The following AHNAK2 variants were observed in gnomAD, a reference collection of about 807,000 sequenced individuals.
AHNAK2 encodes protein AHNAK2.
A neutral mutation model predicts 30.7 loss-of-function variants in AHNAK2; 18 were observed. The observed-to-expected ratio is 0.59, with a 90% CI of 0.41 to 0.87. The LOEUF (loss-of-function observed/expected upper bound fraction) is 0.87. AHNAK2 is among the 40% of genes least tolerant of loss of function. The probability of loss-of-function intolerance (pLI) is 0.00; values close to 1 mark genes in which losing one functional copy is unlikely to be tolerated. For synonymous variants in AHNAK2, 3,590 were observed against 3,073.8 expected (o/e 1.17, Z -5.56); for missense variants, 8,604 against 7,373.0 (o/e 1.17, Z -6.11).
rs1309430931 is a variant in AHNAK2, at chr14:104,951,006, G to A, written c.4445C>T (p.Ala1482Val). Residue 1482 changes from alanine (A) to valine (V), a missense_variant, in exon 7 of 7, where the codon GCC (alanine) becomes GTC (valine). By Grantham distance (64) the Ala-to-Val change is moderately conservative. Transcript: ENST00000333244. ...GTCTTTGGTAGTCAAGTCCTTGTCGGCCAGGGACATGTCCTCCTCCAGCCG... is the reference window on the plus strand; with the variant it reads ...GTCTTTGGTAGTCAAGTCCTTGTCGACCAGGGACATGTCCTCCTCCAGCCG... Reference protein sequence around the residue: ...GGRLEEDMSLADKDLTTKDSK... With the variant: ...GGRLEEDMSLVDKDLTTKDSK... 2.8e-6 allele frequency: 3 copies of A among 1,064,178 alleles called. 1 individual carries two copies. The Admixed American group carries it at 6.4e-5, about 23-fold the overall frequency. 65.9% of individuals were successfully genotyped at this position (1,064,178 alleles called of 1,614,324 possible). A position where few individuals can be genotyped will look rare whatever the true frequency, so the allele number is the denominator to read the frequency against.
At chr14:104,964,562 T>A (rs1204714517) in intron 1 of AHNAK2, among the ~76,000 whole-genome samples, 1 of 151,988 alleles carries the variant, frequency 6.6e-6, no homozygotes, top group Non-Finnish European at 1.5e-5. Context: ...GAGATTCAAA[T>A]GTCCATCAAC....
Position 104,944,396 on chromosome 14 carries a change from G to A in AHNAK2, c.11055C>T (p.Asp3685=). The change falls in exon 7 of 7, where the codon GAC becomes GAT. Residue 3685 remains aspartate, a synonymous_variant. Transcript: ENST00000333244. The part of the protein sequence containing the change: ...PSMQGDLKTT[D]LSIQPPSADL... ...CGGCAGAAGGGGGCTGAATGCTGAGGTCAGTGGTCTTCAGGTCCCCCTGCA... is the reference window on the plus strand; with the variant it reads ...CGGCAGAAGGGGGCTGAATGCTGAGATCAGTGGTCTTCAGGTCCCCCTGCA... 8.1e-6 allele frequency: 13 copies of A among 1,612,656 alleles called. No homozygotes were observed. Among genetic ancestry groups the A allele is most frequent in the Non-Finnish European group, 1.1e-5 (13 of 1,179,478 alleles).
Position 104,942,755 on chromosome 14 carries a change from C to G in AHNAK2, c.12696G>C (p.Lys4232Asn). 1 of 1,613,072 alleles carries G rather than the reference C, an allele frequency of 6.2e-7. No individual in the cohort carries two copies. The highest frequency in any genetic ancestry group is 1.1e-5 in the South Asian group (1 of 91,050). Residue 4232 changes from lysine (K) to asparagine (N), a missense_variant, in exon 7 of 7, where the codon AAG (lysine) becomes AAC (asparagine). By Grantham distance (94) the Lys-to-Asn change is moderately conservative (BLOSUM62 0). Transcript: ENST00000333244. The stretch of plus-strand genomic sequence containing the variant: ...GGCCCTTGACATCCACCTGGGGGCC[C>G]TTGAGGGCCACTTTGGGCATCTTCA... ...PCLKMPKVAL[K>N]GPQVDVKGPK...
Position 104,940,228 on chromosome 14 carries a change from C to T in AHNAK2, c.15223G>A (p.Ala5075Thr). 1.2e-6 allele frequency: 2 copies of T among 1,613,566 alleles called. No individual in the cohort carries two copies. The highest frequency in any genetic ancestry group is 2.2e-5 in the East Asian group (1 of 44,888). ...SSDGGRGGLG[A>T]TASATGSEGV... ...TCACTTCCTGTGGCACTTGCTGTTG[C>T]ACCAAGTCCTCCCCTACCACCGTCA... The change falls in exon 7 of 7, where the codon GCA becomes ACA. Residue 5075 changes from alanine (A) to threonine (T), a missense_variant. Coordinates refer to ENST00000333244, the MANE Select transcript of AHNAK2 (RefSeq NM_138420.4). This position sits in a 1 kb window ranked among gnomAD's most constrained non-coding sequence, Gnocchi z 4.4.
rs1195859064 is a variant in AHNAK2 at position 104,978,332 on chromosome 14, T to C, written c.-95A>G. Reference sequence around the variant, plus strand: ...GGGCGGGCGGGCGGGAGCCGCGCTCTGCCCCGCTGCCCTGCGCTGCCGCGG... The same window carrying C: ...GGGCGGGCGGGCGGGAGCCGCGCTCCGCCCCGCTGCCCTGCGCTGCCGCGG... On this transcript the variant is annotated 5_prime_UTR_variant, in exon 1 of 7. Transcript: ENST00000333244. The C allele has an allele frequency of 2.7e-5, 22 of 827,006 alleles. No individual in the cohort carries two copies. Among genetic ancestry groups the C allele is most frequent in the Non-Finnish European group, 7.5e-6 (5 of 669,000 alleles). 51.2% of individuals were successfully genotyped at this position (827,006 alleles called of 1,614,324 possible). A position where few individuals can be genotyped will look rare whatever the true frequency, so the allele number is the denominator to read the frequency against.
rs112306443 is a variant in AHNAK2, at chr14:104,941,916, C to T, written c.13535G>A (p.Arg4512His). The change falls in exon 7 of 7, where the codon CGC becomes CAC. Residue 4512 changes from arginine (R) to histidine (H), a missense_variant. Arg to His is a conservative substitution (Grantham distance 29). Coordinates refer to ENST00000333244, the MANE Select transcript of AHNAK2 (RefSeq NM_138420.4). The stretch of plus-strand genomic sequence containing the variant: ...CAGGTCGGCGGAAGGGGCCTGAATG[C>T]GGAGGTCAGTGGTCTTGAGGTCCCC... ...MQGDLKTTDL[R>H]IQAPSADLEV... The T allele has an allele frequency of 6.3e-5, 101 of 1,613,438 alleles. No individual in the cohort carries two copies. In the African/African-American group the frequency reaches 6.9e-4, roughly 11 times the overall value.
At chr14:104,955,257 T>C in intron 5 of AHNAK2, 116 bp from the exon 6 acceptor site, 1 of 1,348,528 alleles carries the variant, frequency 7.4e-7, no homozygotes, top group Non-Finnish European at 1.0e-6. Context: ...TCCCACTGAG[T>C]CTGCCCCACC....
At position 104,953,235 on chromosome 14, in the gene AHNAK2, A is replaced by G; in HGVS notation, c.2216T>C (p.Val739Ala). ...SADLEVQDGQ[V>A]DVKLPEGPLP... ...GGGGCCCTCCGGAAGTTTCACATCC[A>G]CTTGGCCATCCTGGACCTCCAGGTC... The change falls in exon 7 of 7, where the codon GTG (valine) becomes GCG (alanine). Residue 739 changes from valine to alanine, a missense_variant. Physicochemically the swap from Val to Ala is moderately conservative, Grantham distance 64. Transcript: ENST00000333244. The G allele has an allele frequency of 6.2e-7, 1 of 1,612,830 alleles. No individual in the cohort carries two copies. The highest frequency in any genetic ancestry group is 8.5e-7 in the Non-Finnish European group (1 of 1,179,624).
chr14:104,963,945 T>C (rs966864281), intron 1 of AHNAK2, among the ~76,000 whole-genome samples: 17 of 151,598 alleles, frequency 1.1e-4, no homozygotes, highest in African/African-American at 4.1e-4. Flanking sequence ...TAGAAAACAC[T>C]ATGGATGGTT....
Position 104,943,035 on chromosome 14 carries a change from T to A in AHNAK2, c.12416A>T (p.Lys4139Met). The change falls in exon 7 of 7, where the codon AAG becomes ATG. Residue 4139 changes from lysine (K) to methionine (M), a missense_variant. Physicochemically the swap from Lys to Met is moderately conservative, Grantham distance 95 (BLOSUM62 -1). Coordinates refer to ENST00000333244, the MANE Select transcript of AHNAK2 (RefSeq NM_138420.4). ...KDSKFKMPKF[K>M]MPSFGVSAPG... Reference sequence around the variant, plus strand: ...GGCCGACACCCCGAATGATGGCATCTTGAACTTGGGCATTTTGAACTTGCT... The same window carrying A: ...GGCCGACACCCCGAATGATGGCATCATGAACTTGGGCATTTTGAACTTGCT... The A allele has an allele frequency of 2.5e-6, 4 of 1,612,850 alleles. No homozygotes were observed. Among genetic ancestry groups the A allele is most frequent in the Non-Finnish European group, 3.4e-6 (4 of 1,179,478 alleles).
In AHNAK2 at chr14:104,943,445, C is replaced by A; in HGVS notation, c.12006G>T (p.Val4002=). 1.2e-6 allele frequency: 2 copies of A among 1,613,312 alleles called. No individual in the cohort carries two copies. Among genetic ancestry groups the A allele is most frequent in the Non-Finnish European group, 1.7e-6 (2 of 1,179,666 alleles). The change falls in exon 7 of 7, where the codon GTG becomes GTT. Residue 4002 remains valine, a synonymous_variant. Coordinates refer to ENST00000333244, the MANE Select transcript of AHNAK2 (RefSeq NM_138420.4). ...DVTAPKVEAD[V]SLPSMQGDLK... is the part of the protein sequence containing the mutation. The stretch of plus-strand genomic sequence containing the variant: ...GGTCCCCCTGCATGGAAGGGAGGCT[C>A]ACGTCGGCCTCCACCTTTGGCGCGG...
chr14:104,954,923 C>G lies in AHNAK2; in HGVS notation c.651+34G>C. The G allele has an allele frequency of 1.3e-6, 2 of 1,533,172 alleles. No homozygotes were observed. The highest frequency in any genetic ancestry group is 4.5e-5 in the East Asian group (2 of 44,354). The allele number at this position is 1,533,172 out of a possible 1,614,324, so 95.0% of individuals were successfully genotyped here. A position where few individuals can be genotyped will look rare whatever the true frequency, so the allele number is the denominator to read the frequency against. On this transcript the variant is annotated intron_variant, in intron 6 of 6. Transcript: ENST00000333244. The surrounding 1 kb of genome is among the most constrained non-coding windows in gnomAD (Gnocchi z 4.3). ...TCAGCCAGCAGGGTAGTGAAGCCAG[C>G]TGGGGCCCTGCCCCCCGGGCATAGT...
Position 104,944,795 on chromosome 14 carries a change from G to A in AHNAK2, c.10656C>T (p.Leu3552=), listed in dbSNP as rs760631511. ...LEGPVPEGAG[L]KGHLPKVEMP... ...TCTCCACTTTGGGCAGGTGCCCTTT[G>A]AGGCCGGCTCCCTCGGGCACGGGGC... Residue 3552 remains leucine, a synonymous_variant, in exon 7 of 7, where the codon CTC becomes CTT. Transcript: ENST00000333244. 5.3e-5 allele frequency: 86 copies of A among 1,612,834 alleles called. No homozygotes were observed. Among genetic ancestry groups the A allele is most frequent in the Non-Finnish European group, 6.8e-5 (80 of 1,179,602 alleles).
rs1459674144 is a variant in AHNAK2 at position 104,955,587 on chromosome 14, G to T, written c.362C>A (p.Ala121Glu). ...TGTGACACTGTAGCCACTGGCTCCT[G>T]CCTCCACCTCTGTCTTCAGCGTCAC... ...TEVTLKTEVE[A>E]GASGYSVTGG... is the part of the protein sequence containing the mutation. Residue 121 changes from alanine (A) to glutamate (E), a missense_variant, in exon 5 of 7, where the codon GCA becomes GAA. Physicochemically the swap from Ala to Glu is moderately radical, Grantham distance 107. Coordinates refer to ENST00000333244, the MANE Select transcript of AHNAK2 (RefSeq NM_138420.4). 6.2e-7 allele frequency: 1 copy of T among 1,613,650 alleles called. No homozygotes were observed. The highest frequency in any genetic ancestry group is 2.2e-5 in the East Asian group (1 of 44,884).
Position 104,953,755 on chromosome 14 carries a change from T to C in AHNAK2, c.1696A>G (p.Thr566Ala). Residue 566 changes from threonine (T) to alanine (A), a missense_variant, in exon 7 of 7, where the codon ACT becomes GCT. Transcript: ENST00000333244. ...TCCCTGCCCTTGTCCTGTTCCTCAG[T>C]GATCCTTGTCCTCTGTAGTCCTTCC... ...GEEGLQRTRI[T>A]EEQDKGREDT... is the part of the protein sequence containing the mutation. The C allele has an allele frequency of 6.2e-7, 1 of 1,614,004 alleles. No homozygotes were observed. The highest frequency in any genetic ancestry group is 8.5e-7 in the Non-Finnish European group (1 of 1,179,908).
In AHNAK2 at chr14:104,978,178, C is replaced by A; in HGVS notation, c.55+5G>T. On this transcript the variant is annotated splice_donor_5th_base_variant and intron_variant, in intron 1 of 6. Transcript: ENST00000333244. ...GGAGCGGGCTGCAGGCGGGGAGGGG[C>A]GCACCGCTGCCGGGGGTTCCGGGCC... 2 of 1,211,922 alleles carry A rather than the reference C, an allele frequency of 1.7e-6. No homozygotes were observed. The highest frequency in any genetic ancestry group is 2.1e-6 in the Non-Finnish European group (2 of 974,754). The allele number at this position is 1,211,922 out of a possible 1,614,324, so 75.1% of individuals were successfully genotyped here.
In AHNAK2 at chr14:104,952,919, C is replaced by T. The variant is rs1157203941; in HGVS notation, c.2532G>A (p.Gly844=). 2 of 1,611,778 alleles carry T rather than the reference C, an allele frequency of 1.2e-6. No individual in the cohort carries two copies. Among genetic ancestry groups the T allele is most frequent in the East Asian group, 4.5e-5 (2 of 44,640 alleles). Residue 844 remains glycine (G), a synonymous_variant, in exon 7 of 7, where the codon GGG becomes GGA. Transcript: ENST00000333244. ...KMPKFKMPSF[G]VSAPGKSMED... ...CCATGGACTTGCCTGGGGCCGACAC[C>T]CCGAATGATGGCATCTTGAACTTGG...
At position 104,944,830 on chromosome 14, in the gene AHNAK2, G is replaced by T; in HGVS notation, c.10621C>A (p.Leu3541Ile). 1 of 1,612,810 alleles carries T rather than the reference G, an allele frequency of 6.2e-7. No homozygotes were observed. Among genetic ancestry groups the T allele is most frequent in the Non-Finnish European group, 8.5e-7 (1 of 1,179,542 alleles). Residue 3541 changes from leucine to isoleucine, a missense_variant, in exon 7 of 7, where the codon CTC (leucine) becomes ATC (isoleucine). By Grantham distance (5) the Leu-to-Ile change is conservative. Transcript: ENST00000333244. ...EVQAVQVDVELLEGPVPEGAG... is the reference protein window; with the variant it reads ...EVQAVQVDVEILEGPVPEGAG... Reference sequence around the variant, plus strand: ...CCCTCGGGCACGGGGCCCTCCAGGAGTTCCACATCCACTTGGACAGCCTGG... The same window carrying T: ...CCCTCGGGCACGGGGCCCTCCAGGATTTCCACATCCACTTGGACAGCCTGG...
In AHNAK2 at chr14:104,947,751, G is replaced by C. The variant is rs1222190490; in HGVS notation, c.7700C>G (p.Pro2567Arg). Reference protein sequence around the residue: ...PEGAGLKGHLPKVQMPSFKMP... With the variant: ...PEGAGLKGHLRKVQMPSFKMP... Reference sequence around the variant, plus strand: ...CTTGAAACTGGGCATCTGCACCTTGGGCAGGTGCCCTTTGAGGCCGGCTCC... The same window carrying C: ...CTTGAAACTGGGCATCTGCACCTTGCGCAGGTGCCCTTTGAGGCCGGCTCC... Residue 2567 changes from proline (P) to arginine (R), a missense_variant, in exon 7 of 7, where the codon CCC becomes CGC. By Grantham distance (103) the Pro-to-Arg change is moderately radical. Transcript: ENST00000333244. 2.5e-6 allele frequency: 4 copies of C among 1,612,602 alleles called. No individual in the cohort carries two copies. In the East Asian group the frequency reaches 6.7e-5, roughly 27 times the overall value.
Sources: allele counts gnomAD v4.1 joint callset (sites outside exome capture counted in the v4.1 genomes callset), GRCh38; gene constraint gnomAD v4.1.1; non-coding constraint Gnocchi (gnomAD v3.1); transcripts MANE v1.5; gene names NCBI Gene and HGNC (gene_info 2026-07-23, HGNC 2026-07-21).